Variants in AFG2A observed in about 807,000 individuals in gnomAD.
The protein encoded by AFG2A is ATPase family gene 2 protein homolog A.
chr4:122,994,923 A>T, the AFG2A span, among the ~76,000 whole-genome samples: 1 of 152,126 alleles, frequency 6.6e-6, no homozygotes, highest in African/African-American at 2.4e-5. Context: ...TTCACTAATT[A>T]TATATTTAAA....
chr4:123,114,164 T>A, the AFG2A span, among the ~76,000 whole-genome samples: 1 of 151,972 alleles, frequency 6.6e-6, no homozygotes, highest in Admixed American at 6.6e-5. Flanking sequence ...TCTGGCTGAG[T>A]CCAGGGCTTT....
chr4:123,125,097 A>G, the AFG2A span, among the ~76,000 whole-genome samples: 1 of 152,160 alleles, frequency 6.6e-6, no homozygotes, highest in African/African-American at 2.4e-5. Context: ...TTGTATGTAT[A>G]GGAAACAATG....
chr4:123,090,071 T>A, the AFG2A span, among the ~76,000 whole-genome samples: 5 of 152,234 alleles, frequency 3.3e-5, no homozygotes, highest in Non-Finnish European at 5.9e-5. Flanking sequence ...TACCTTCTGA[T>A]GTGTTTTAAA....
chr4:122,966,737 G>A, the AFG2A span, among the ~76,000 whole-genome samples: 1 of 152,158 alleles, frequency 6.6e-6, no homozygotes, highest in Non-Finnish European at 1.5e-5. Flanking sequence ...GTGCCACTTT[G>A]TTCTTTCCAT....
At chr4:123,285,161 C>T in the AFG2A span, among the ~76,000 whole-genome samples, 1 of 152,022 alleles carries the variant, frequency 6.6e-6, no homozygotes, top group Non-Finnish European at 1.5e-5. Flanking sequence ...ATTTCCTTCT[C>T]TCCAATTATA....
At chr4:123,133,766 G>T in the AFG2A span, among the ~76,000 whole-genome samples, 251 of 152,226 alleles carry the variant, frequency 1.6e-3, 1 homozygote, top group Middle Eastern at 0.014. Flanking sequence ...GGTGGATAAG[G>T]ATTCCCTAGT....
chr4:122,923,198 C>T, the AFG2A span: 9 of 1,614,106 alleles, frequency 5.6e-6, no homozygotes, highest in East Asian at 1.8e-4. Context: ...AATGGTTCGT[C>T]CTTGCCCTCT....
chr4:122,963,007 A>G, the AFG2A span, among the ~76,000 whole-genome samples: 4 of 152,210 alleles, frequency 2.6e-5, no homozygotes, highest in East Asian at 1.9e-4. Context: ...GGTTAGAGAT[A>G]TGGACTTGGG....
the AFG2A span, among the ~76,000 whole-genome samples, chr4:123,154,829 T>C: frequency 1.3e-4 from 20 of 152,130 alleles, no homozygotes; most frequent in Admixed American, 5.2e-4. Flanking sequence ...GTTAAAGAAA[T>C]TTAAAAGGTC....
chr4:123,138,925 C>G, the AFG2A span, among the ~76,000 whole-genome samples: 1 of 151,906 alleles, frequency 6.6e-6, no homozygotes, highest in South Asian at 2.1e-4. Context: ...ATATGTATAT[C>G]AAAGAACTAG....
the AFG2A span, among the ~76,000 whole-genome samples, chr4:122,924,217 T>A: frequency 6.6e-6 from 1 of 152,210 alleles, no homozygotes; most frequent in Non-Finnish European, 1.5e-5. Context: ...CATGTAAACA[T>A]GCTCATTTCT....
the AFG2A span, among the ~76,000 whole-genome samples, chr4:123,223,538 A>AG: frequency 6.6e-6 from 1 of 152,174 alleles, no homozygotes; most frequent in African/African-American, 2.4e-5. Context: ...CAGAAGGCAA[A>AG]GGGGAAGCAG....
the AFG2A span, among the ~76,000 whole-genome samples, chr4:123,269,459 A>G: frequency 6.6e-6 from 1 of 152,228 alleles, no homozygotes; most frequent in East Asian, 1.9e-4. Context: ...TGGCTTGCAT[A>G]GTGGGTTGTA....
At chr4:123,007,642 A>ACACACAT in the AFG2A span, among the ~76,000 whole-genome samples, 1 of 25,510 alleles carries the variant, frequency 3.9e-5, no homozygotes, top group Non-Finnish European at 1.0e-4. Flanking sequence ...ACACACACAC[A>ACACACAT]ACACACACAC....
At chr4:123,049,353 A>G in the AFG2A span, among the ~76,000 whole-genome samples, 1 of 152,112 alleles carries the variant, frequency 6.6e-6, no homozygotes, top group Non-Finnish European at 1.5e-5. Flanking sequence ...CTGTCATGGT[A>G]ATGCTGCCTT....
the AFG2A span, among the ~76,000 whole-genome samples, chr4:123,195,720 T>C: frequency 6.6e-6 from 1 of 152,214 alleles, no homozygotes; most frequent in Non-Finnish European, 1.5e-5. Context: ...CTTGTTCTGC[T>C]GTCTCTCTGT....
chr4:123,213,022 A>C, the AFG2A span, among the ~76,000 whole-genome samples: 8 of 152,278 alleles, frequency 5.3e-5, no homozygotes, highest in African/African-American at 1.9e-4. Flanking sequence ...GATTCTTTCC[A>C]TACCTCCTCA....
chr4:123,075,991 A>C, the AFG2A span, among the ~76,000 whole-genome samples: 1,347 of 150,308 alleles, frequency 9.0e-3, 19 homozygotes, highest in African/African-American at 0.029. Context: ...AAAAAAACAA[A>C]AAAAAAAGAA....
At chr4:123,074,404 T>TAC in the AFG2A span, among the ~76,000 whole-genome samples, 5 of 151,362 alleles carry the variant, frequency 3.3e-5, no homozygotes, top group Non-Finnish European at 1.5e-5. Flanking sequence ...TCCACTGGAT[T>TAC]ACATATGTCT....
Sources: gnomAD v4.1 joint callset for allele counts (sites outside exome capture counted in the v4.1 genomes callset) on GRCh38, gnomAD v4.1.1 for gene constraint, MANE v1.5 for transcripts, NCBI Gene and HGNC (gene_info 2026-07-23, HGNC 2026-07-21) for gene names.